The following MDGA1 variants were observed in gnomAD, a reference collection of about 807,000 sequenced individuals.
MDGA1 encodes MAM domain-containing glycosylphosphatidylinositol anchor protein 1.
Under a neutral mutation model 101.5 loss-of-function variants are expected in MDGA1, and 54 were observed. That is an observed-to-expected ratio of 0.53 (90% CI 0.43 to 0.67). MDGA1 has a LOEUF of 0.67. Among genes scored for constraint, MDGA1 ranks in the 30% least tolerant of loss-of-function variants. The probability of loss-of-function intolerance (pLI) is 0.00; values close to 1 mark genes in which losing one functional copy is unlikely to be tolerated. For missense variants in MDGA1, 1,083 were observed against 1,323.8 expected, an observed-to-expected ratio of 0.82 and a Z score of 2.82; for synonymous variants, 533 against 558.3, an observed-to-expected ratio of 0.95 and a Z score of 0.64.
intron 1 of MDGA1, among the ~76,000 whole-genome samples, chr6:37,685,716 G>A (rs974180218): frequency 1.8e-4 from 28 of 151,838 alleles, no homozygotes; most frequent in African/African-American, 6.1e-4. Context: ...CGACAGTGTC[G>A]GGGGGCGCTG....
Position 37,650,323 on chromosome 6 carries a change from C to T in MDGA1, c.1395G>A (p.Val465=). The change falls in exon 8 of 17, where the codon GTG becomes GTA. Residue 465 remains valine (V), a synonymous_variant. Coordinates refer to ENST00000434837, the MANE Select transcript of MDGA1 (RefSeq NM_153487.4). ...GCACTGGCGGCCGCGGCTTGCCCCG[C>T]ACCTCGCATTGCAGCTCGGCAGGCG... The part of the protein sequence containing the change: ...EGSPAELQCE[V]RGKPRPPVLW... 1.3e-6 allele frequency: 2 copies of T among 1,588,850 alleles called. No individual in the cohort carries two copies. The highest frequency in any genetic ancestry group is 8.5e-7 in the Non-Finnish European group (1 of 1,170,056).
At chr6:37,643,627 G>T (rs923886868) in intron 14 of MDGA1, among the ~76,000 whole-genome samples, 182 bp downstream of exon 14, 1 of 152,146 alleles carries the variant, frequency 6.6e-6, no homozygotes, top group Non-Finnish European at 1.5e-5. Flanking sequence ...TCAAAACCTC[G>T]GACAAGCTGG....
chr6:37,693,392 C>A (rs548348489), intron 1 of MDGA1, among the ~76,000 whole-genome samples: 5 of 152,348 alleles, frequency 3.3e-5, no homozygotes, highest in African/African-American at 1.2e-4. Context: ...CAACATCTGT[C>A]TTCATGTTCC....
At position 37,696,852 on chromosome 6, in the gene MDGA1, C is replaced by G. The variant is rs1762431860; in HGVS notation, c.-41G>C. ...TTCATCCCCGCGAGGCGGCGCAGCC[C>G]GAGAGGCGGCGGGGGGCGCATTCGC... On this transcript the variant is annotated 5_prime_UTR_variant, in exon 1 of 17. Transcript: ENST00000434837. The surrounding 1 kb of genome is among the most constrained non-coding windows in gnomAD (Gnocchi z 5.6). The G allele has an allele frequency of 6.5e-7, 1 of 1,536,418 alleles. No individual in the cohort carries two copies. Among genetic ancestry groups the G allele is most frequent in the Non-Finnish European group, 8.8e-7 (1 of 1,134,016 alleles).
At chr6:37,663,414 C>T (rs562305363) in intron 2 of MDGA1, among the ~76,000 whole-genome samples, 2 of 152,216 alleles carry the variant, frequency 1.3e-5, no homozygotes, top group South Asian at 2.1e-4. Flanking sequence ...AAGTTCCCAA[C>T]TCAAAGATGG....
At chr6:37,662,326 G>T (rs750819169) in intron 2 of MDGA1, among the ~76,000 whole-genome samples, 1 of 152,012 alleles carries the variant, frequency 6.6e-6, no homozygotes, top group South Asian at 2.1e-4. Flanking sequence ...AAAGAAAGGC[G>T]TGCCAGTACA....
intron 1 of MDGA1, among the ~76,000 whole-genome samples, chr6:37,673,434 T>C (rs1761912943): frequency 6.6e-6 from 1 of 152,264 alleles, no homozygotes. Context: ...TTTTCTCTTT[T>C]AATTAGCTGC....
chr6:37,654,748 G>T, intron 5 of MDGA1, 52 bp downstream of exon 5: 1 of 1,608,570 alleles, frequency 6.2e-7, no homozygotes, highest in Non-Finnish European at 8.5e-7. Context: ...CTATCTCCTG[G>T]TTGGGAGTTA....
intron 3 of MDGA1, among the ~76,000 whole-genome samples, chr6:37,656,473 A>G (rs1365477157): frequency 2.6e-5 from 4 of 151,950 alleles, no homozygotes; most frequent in African/African-American, 9.7e-5. Context: ...CCTGGGCTCA[A>G]TTGATCCTCC....
In MDGA1 at chr6:37,664,196, G is replaced by A. The variant is rs1761692164; in HGVS notation, c.68-90C>T. On this transcript the variant is annotated intron_variant, in intron 1 of 16. Coordinates refer to ENST00000434837, the MANE Select transcript of MDGA1 (RefSeq NM_153487.4). The stretch of plus-strand genomic sequence containing the variant: ...CTCCCTCCTGAGTGTATCTGGGAGG[G>A]GTCAGCCCAGATCTCCCCAGGCCAT... 6 of 1,523,084 alleles carry A rather than the reference G, an allele frequency of 3.9e-6. No homozygotes were observed. In the Admixed American group the frequency reaches 8.5e-5, roughly 22 times the overall value. 94.3% of individuals were successfully genotyped at this position (1,523,084 alleles called of 1,614,324 possible). A position where few individuals can be genotyped will look rare whatever the true frequency, so the allele number is the denominator to read the frequency against.
At position 37,654,175 on chromosome 6, in the gene MDGA1, A is replaced by C. The variant is rs1231752024; in HGVS notation, c.982+99T>G. The C allele has an allele frequency of 9.3e-5, 126 of 1,356,678 alleles. No homozygotes were observed. The East Asian group carries it at 3.2e-3, about 35-fold the overall frequency. 84.0% of individuals were successfully genotyped at this position (1,356,678 alleles called of 1,614,324 possible). A position where few individuals can be genotyped will look rare whatever the true frequency, so the allele number is the denominator to read the frequency against. Reference sequence around the variant, plus strand: ...TCTGCATGACTCATCTACCAAGGAGAAGCAGACAGGCCCCTTTCCTAGTTC... The same window carrying C: ...TCTGCATGACTCATCTACCAAGGAGCAGCAGACAGGCCCCTTTCCTAGTTC... On this transcript the variant is annotated intron_variant, in intron 6 of 16. Coordinates refer to ENST00000434837, the MANE Select transcript of MDGA1 (RefSeq NM_153487.4).
chr6:37,667,634 G>A (rs1761781953), intron 1 of MDGA1, among the ~76,000 whole-genome samples: 1 of 152,244 alleles, frequency 6.6e-6, no homozygotes, highest in Non-Finnish European at 1.5e-5. Flanking sequence ...TGATGTGCAT[G>A]CTGGTTGCTG....
intron 1 of MDGA1, among the ~76,000 whole-genome samples, chr6:37,687,997 T>A (rs765118291): frequency 5.3e-5 from 8 of 152,214 alleles, no homozygotes; most frequent in Non-Finnish European, 8.8e-5. Context: ...ACCCTCCAGT[T>A]AGCACCATTG....
At position 37,654,510 on chromosome 6, in the gene MDGA1, G is replaced by GTT. The variant is rs1237169988; in HGVS notation, c.744_745dup (p.Thr249LysfsTer5). 6.2e-7 allele frequency: 1 copy of GTT among 1,613,924 alleles called. No individual in the cohort carries two copies. Among genetic ancestry groups the GTT allele is most frequent in the African/African-American group, 1.3e-5 (1 of 74,930 alleles). On this transcript the variant is annotated frameshift_variant, in exon 6 of 17. Coordinates refer to ENST00000434837, the MANE Select transcript of MDGA1 (RefSeq NM_153487.4). LOFTEE classifies it high-confidence loss of function. ...ATTCTCCCCAGGGTTCACCACCAGAGTTTCGTTCACAGACAGCTTCAGGGC... is the reference window on the plus strand; with the variant it reads ...ATTCTCCCCAGGGTTCACCACCAGAGTTTTTCGTTCACAGACAGCTTCAGGGC...
intron 2 of MDGA1, among the ~76,000 whole-genome samples, chr6:37,661,574 G>A (rs746353210): frequency 2.6e-5 from 4 of 152,184 alleles, no homozygotes; most frequent in Non-Finnish European, 5.9e-5. Flanking sequence ...AAACTAGAAG[G>A]CATTTTAGGA....
Position 37,696,859 on chromosome 6 carries a change from CGGCGGGG to C in MDGA1, c.-55_-49del. On this transcript the variant is annotated 5_prime_UTR_variant, in exon 1 of 17. The change creates a premature stop within an existing upstream ORF in the 5' untranslated region. Transcript: ENST00000434837. This position sits in a 1 kb window ranked among gnomAD's most constrained non-coding sequence, Gnocchi z 5.6. ...CCGCGAGGCGGCGCAGCCCGAGAGG[CGGCGGGG>C]GGCGCATTCGCCGGGGCCCCGCGAC... 6.6e-7 allele frequency: 1 copy of C among 1,508,828 alleles called. No individual in the cohort carries two copies. The highest frequency in any genetic ancestry group is 9.0e-7 in the Non-Finnish European group (1 of 1,109,446). The allele number at this position is 1,508,828 out of a possible 1,614,324, so 93.5% of individuals were successfully genotyped here.
intron 7 of MDGA1, 35 bp from the exon 8 acceptor site, chr6:37,650,440 A>ATACG: frequency 1.4e-6 from 2 of 1,479,146 alleles, no homozygotes; most frequent in Non-Finnish European, 1.8e-6. Flanking sequence ...GAGAGGTAGG[A>ATACG]GCGGAGTTAG....
chr6:37,689,537 G>A (rs901025483), intron 1 of MDGA1, among the ~76,000 whole-genome samples: 9 of 152,214 alleles, frequency 5.9e-5, no homozygotes, highest in African/African-American at 1.9e-4. Context: ...CAGTGAGTAC[G>A]ATGATCTCCA....
In MDGA1 at chr6:37,647,257, C is replaced by T; in HGVS notation, c.1962G>A (p.Lys654=). 1 of 1,572,098 alleles carries T rather than the reference C, an allele frequency of 6.4e-7. No individual in the cohort carries two copies. The highest frequency in any genetic ancestry group is 8.6e-7 in the Non-Finnish European group (1 of 1,159,002). Residue 654 remains lysine, a synonymous_variant, in exon 10 of 17, where the codon AAG becomes AAA. Coordinates refer to ENST00000434837, the MANE Select transcript of MDGA1 (RefSeq NM_153487.4). ...PNPTRSHKLS[K]NYSYVLQWTQ... is the part of the protein sequence containing the mutation. ...TCCACTGCAGCACGTAGGAGTAGTT[C>T]TTGGACAGCTTGTGGCTGCGGGTGG...
Sources: gnomAD v4.1 joint callset for allele counts (sites outside exome capture counted in the v4.1 genomes callset) on GRCh38, gnomAD v4.1.1 for gene constraint, Gnocchi (gnomAD v3.1) non-coding constraint, MANE v1.5 for transcripts, NCBI Gene and HGNC (gene_info 2026-07-23, HGNC 2026-07-21) for gene names.